VSNL1: variants seen among roughly 807,000 people sequenced by gnomAD.
VSNL1 encodes visinin-like protein 1.
Under a neutral mutation model 20.4 loss-of-function variants are expected in VSNL1, and 6 were observed. That is an observed-to-expected ratio of 0.29 (90% CI 0.16 to 0.58). The LOEUF (loss-of-function observed/expected upper bound fraction) is 0.58. Ranked by LOEUF, VSNL1 falls within the 20% of genes least tolerant of loss-of-function variation. VSNL1 has a pLI of 0.90. For synonymous variants in VSNL1, 93 were observed against 86.4 expected (o/e 1.08, Z -0.42); for missense variants, 100 against 234.5 (o/e 0.43, Z 3.75).
intron 2 of VSNL1, among the ~76,000 whole-genome samples, chr2:17,594,521 T>TC (rs1343835117): frequency 6.6e-6 from 1 of 152,260 alleles, no homozygotes; most frequent in Non-Finnish European, 1.5e-5. Flanking sequence ...AAGCTTCTTT[T>TC]AATGTTTCTG....
chr2:17,557,206 T>G (rs1216959329), intron 1 of VSNL1, among the ~76,000 whole-genome samples: 1 of 152,172 alleles, frequency 6.6e-6, no homozygotes, highest in Non-Finnish European at 1.5e-5. Flanking sequence ...TTGCCTAAAA[T>G]CAGAAAATTT....
At chr2:17,578,123 A>T (rs1664260105) in intron 1 of VSNL1, among the ~76,000 whole-genome samples, 1 of 152,256 alleles carries the variant, frequency 6.6e-6, no homozygotes, top group Admixed American at 6.5e-5. Flanking sequence ...ATTTTGAGGT[A>T]GTTATTAATA....
intron 1 of VSNL1, among the ~76,000 whole-genome samples, chr2:17,589,723 A>G (rs1558291775): frequency 6.6e-6 from 1 of 152,230 alleles, no homozygotes; most frequent in Non-Finnish European, 1.5e-5. Flanking sequence ...AGACATCACA[A>G]GTGACCCATG....
At position 17,634,485 on chromosome 2, in the gene VSNL1, G is replaced by C. The variant is rs1572213099; in HGVS notation, c.163-14925G>C. Among the ~76,000 whole-genome samples, 1 of 152,050 alleles carries C rather than the reference G, an allele frequency of 6.6e-6. No homozygotes were observed. The highest frequency in any genetic ancestry group is 2.4e-5 in the African/African-American group (1 of 41,386). ...AGCGGTCTTCTCAACACGTGTCCAG[G>C]GAAGAAGCAAGAAATAAAAAGGCAA... On this transcript the variant is annotated intron_variant, in intron 2 of 3. Transcript: ENST00000295156. The surrounding 1 kb of genome is among the most constrained non-coding windows in gnomAD (Gnocchi z 4.3).
At chr2:17,604,047 A>C (rs1664890695) in intron 2 of VSNL1, among the ~76,000 whole-genome samples, 1 of 152,220 alleles carries the variant, frequency 6.6e-6, no homozygotes, top group South Asian at 2.1e-4. Context: ...TAAAGCCTTC[A>C]AAACTGGCAA....
At chr2:17,587,348 A>AAC (rs67537461) in intron 1 of VSNL1, among the ~76,000 whole-genome samples, 21,778 of 134,306 alleles carry the variant, frequency 0.16, 1,943 homozygotes, top group African/African-American at 0.25. Flanking sequence ...GGCTGAGGGC[A>AAC]ACACACACAC....
At chr2:17,651,538 T>A (rs1032594399) in intron 3 of VSNL1, among the ~76,000 whole-genome samples, 7 of 152,266 alleles carry the variant, frequency 4.6e-5, no homozygotes, top group Non-Finnish European at 1.0e-4. Context: ...TCAGACTTAA[T>A]GACAGAGTGG....
At chr2:17,585,627 G>T (rs1472504583) in intron 1 of VSNL1, among the ~76,000 whole-genome samples, 1 of 151,726 alleles carries the variant, frequency 6.6e-6, no homozygotes. Flanking sequence ...CCATCCAGGT[G>T]GGGGGATGGG....
Position 17,643,836 on chromosome 2 carries a change from A to G in VSNL1, c.163-5574A>G, listed in dbSNP as rs150632263. ...TTCAGACCACAGCAGCAGCACGGCAATGGTCCCATGACTGTGGCAGGGGAG... is the reference window on the plus strand; with the variant it reads ...TTCAGACCACAGCAGCAGCACGGCAGTGGTCCCATGACTGTGGCAGGGGAG... On this transcript the variant is annotated intron_variant, in intron 2 of 3. Coordinates refer to ENST00000295156, the MANE Select transcript of VSNL1 (RefSeq NM_003385.5). Among the ~76,000 whole-genome samples, 644 of 152,280 alleles carry G rather than the reference A, an allele frequency of 4.2e-3. 7 individuals carry two copies. Among genetic ancestry groups the G allele is most frequent in the African/African-American group, 0.014 (600 of 41,548 alleles).
At chr2:17,596,420 C>A (rs1375682594) in intron 2 of VSNL1, among the ~76,000 whole-genome samples, 1 of 152,190 alleles carries the variant, frequency 6.6e-6, no homozygotes, top group Non-Finnish European at 1.5e-5. Flanking sequence ...TTAAGATGGG[C>A]AGTTTGCAAT....
chr2:17,649,589 C>A lies in VSNL1; in HGVS notation c.342C>A (p.Gly114=). 1 of 1,614,164 alleles carries A rather than the reference C, an allele frequency of 6.2e-7. No individual in the cohort carries two copies. Among genetic ancestry groups the A allele is most frequent in the Non-Finnish European group, 8.5e-7 (1 of 1,180,030 alleles). The change falls in exon 3 of 4, where the codon GGC becomes GGA. Residue 114 remains glycine, a synonymous_variant. Coordinates refer to ENST00000295156, the MANE Select transcript of VSNL1 (RefSeq NM_003385.5). This position sits in a 1 kb window ranked among gnomAD's most constrained non-coding sequence, Gnocchi z 6.4. ...ATATGTATGACCTGGATGGTGATGG[C>A]AAGATCACCCGAGTGGAGATGCTGG... ...AFNMYDLDGD[G]KITRVEMLEI... is the part of the protein sequence containing the mutation.
At chr2:17,584,546 C>A (rs1664425320) in intron 1 of VSNL1, among the ~76,000 whole-genome samples, 1 of 152,164 alleles carries the variant, frequency 6.6e-6, no homozygotes, top group Non-Finnish European at 1.5e-5. Flanking sequence ...TGTCCGCTGC[C>A]AGCACCCAGC....
intron 2 of VSNL1, among the ~76,000 whole-genome samples, chr2:17,648,265 A>G (rs1285175904): frequency 2.0e-5 from 3 of 152,144 alleles, no homozygotes; most frequent in Non-Finnish European, 4.4e-5. Context: ...CTACCTTCCA[A>G]TGTGCTTCTA....
intron 1 of VSNL1, among the ~76,000 whole-genome samples, chr2:17,578,429 A>G (rs568812896): frequency 6.6e-6 from 1 of 152,362 alleles, no homozygotes; most frequent in African/African-American, 2.4e-5. Context: ...ACATTAGGTT[A>G]ATGGGGAGAC....
At position 17,555,599 on chromosome 2, in the gene VSNL1, C is replaced by T. The variant is rs1663659347; in HGVS notation, c.-6+14681C>T. 2.0e-5 allele frequency among the ~76,000 whole-genome samples: 3 copies of T among 152,090 alleles called. No individual in the cohort carries two copies. In the South Asian group the frequency reaches 6.2e-4, roughly 31 times the overall value. On this transcript the variant is annotated intron_variant, in intron 1 of 3. Transcript: ENST00000295156. ...TTGAATTTCTCAAAATTCTCTATAC[C>T]TAAATAGTCCTCAGGGAACATTGTT...
intron 3 of VSNL1, among the ~76,000 whole-genome samples, chr2:17,652,079 T>A (rs1342889858): frequency 6.6e-6 from 1 of 152,212 alleles, no homozygotes; most frequent in Non-Finnish European, 1.5e-5. Flanking sequence ...TCTCATACAT[T>A]TAGTGAGGTT....
chr2:17,635,220 A>G (rs112766261), intron 2 of VSNL1, among the ~76,000 whole-genome samples: 6,703 of 152,212 alleles, frequency 0.044, 536 homozygotes, highest in African/African-American at 0.15. Flanking sequence ...GAATGCTCGG[A>G]GATGGAACAC....
intron 2 of VSNL1, among the ~76,000 whole-genome samples, chr2:17,594,120 A>C (rs1664657084): frequency 6.6e-6 from 1 of 152,248 alleles, no homozygotes; most frequent in Non-Finnish European, 1.5e-5. Flanking sequence ...GCACTGAAAA[A>C]GCACCAGCCT....
At chr2:17,606,473 G>A (rs1198532940) in intron 2 of VSNL1, among the ~76,000 whole-genome samples, 1 of 152,210 alleles carries the variant, frequency 6.6e-6, no homozygotes, top group Non-Finnish European at 1.5e-5. Context: ...GGGCCAGGAG[G>A]CTGAGGGTCT....
Sources: allele counts gnomAD v4.1 joint callset (sites outside exome capture counted in the v4.1 genomes callset), GRCh38; gene constraint gnomAD v4.1.1; non-coding constraint Gnocchi (gnomAD v3.1); transcripts MANE v1.5; gene names NCBI Gene and HGNC (gene_info 2026-07-23, HGNC 2026-07-21).